Variants in IGDCC4 observed in about 807,000 individuals in gnomAD.
The protein encoded by IGDCC4 is likely ortholog of mouse neighbor of Punc E11.
A neutral mutation model predicts 116.6 loss-of-function variants in IGDCC4; 72 were observed. That is an observed-to-expected ratio of 0.62 (90% CI 0.51 to 0.75). The LOEUF is 0.75. Among genes scored for constraint, IGDCC4 ranks in the 30% least tolerant of loss-of-function variants. The pLI is 0.00. For missense variants in IGDCC4, 1,501 were observed against 1,662.4 expected (o/e 0.90, Z 1.69); for synonymous variants, 709 against 719.9 (o/e 0.98, Z 0.24).
chr15:65,399,083 T>C (rs2062958179), intron 5 of IGDCC4, among the ~76,000 whole-genome samples: 1 of 152,090 alleles, frequency 6.6e-6, no homozygotes, highest in Non-Finnish European at 1.5e-5. Context: ...AATCACAGAT[T>C]AGCAGGGGAC....
chr15:65,396,488 T>C, intron 6 of IGDCC4: 1 of 558,974 alleles, frequency 1.8e-6, no homozygotes, highest in Non-Finnish European at 3.3e-6. Context: ...TGCCCTCCCA[T>C]ATGTCCCACA....
intron 14 of IGDCC4, 34 bp downstream of exon 14, chr15:65,389,250 A>T: frequency 6.2e-7 from 1 of 1,603,838 alleles, no homozygotes; most frequent in African/African-American, 1.3e-5. Flanking sequence ...TGGGCAAAAG[A>T]TGGGTTGGTG....
At chr15:65,397,222 C>T (rs891167994) in intron 5 of IGDCC4, among the ~76,000 whole-genome samples, 5 of 152,168 alleles carry the variant, frequency 3.3e-5, no homozygotes, top group Non-Finnish European at 7.3e-5. Context: ...TGTCAGAACC[C>T]CTGGCACAGT....
At chr15:65,412,473 T>C (rs2063104219) in intron 1 of IGDCC4, among the ~76,000 whole-genome samples, 1 of 123,038 alleles carries the variant, frequency 8.1e-6, no homozygotes, top group East Asian at 2.9e-4. Flanking sequence ...GATCGCCCCA[T>C]TGCACTCCAG....
Position 65,386,609 on chromosome 15 carries a change from G to T in IGDCC4, c.2893C>A (p.Leu965Met), listed in dbSNP as rs1348318497. 1 of 1,612,480 alleles carries T rather than the reference G, an allele frequency of 6.2e-7. No homozygotes were observed. Among genetic ancestry groups the T allele is most frequent in the East Asian group, 2.2e-5 (1 of 44,854 alleles). ...CAGGCCAGGAGGCAGAGGAGGCCCA[G>T]GCAGACACCCACGATGATGCCCGTG... ...SVTGIIVGVC[L>M]GLLCLLACMC... The change falls in exon 17 of 20, where the codon CTG becomes ATG. Residue 965 changes from leucine (L) to methionine (M), a missense_variant. Physicochemically the swap from Leu to Met is conservative, Grantham distance 15 (BLOSUM62 2). Around this residue, in one of 3 missense-constraint regions of IGDCC4, gnomAD observed 235 missense variants for 328.0 expected, o/e 0.72. Transcript: ENST00000352385.
chr15:65,382,969 C>T lies in IGDCC4; in HGVS notation c.*1040G>A, dbSNP rs550725805. On this transcript the variant is annotated 3_prime_UTR_variant, in exon 20 of 20. Transcript: ENST00000352385. ...TGACTTGGATCCATCCATGGAGAAC[C>T]CTTGGATCCCAATCCCAAAGGCAAG... The T allele has an allele frequency of 4.6e-5, 7 of 152,480 alleles. No homozygotes were observed. Among genetic ancestry groups the T allele is most frequent in the Non-Finnish European group, 1.0e-4 (7 of 68,062 alleles). 9.4% of individuals were successfully genotyped at this position (152,480 alleles called of 1,614,324 possible). A position where few individuals can be genotyped will look rare whatever the true frequency, so the allele number is the denominator to read the frequency against.
intron 1 of IGDCC4, among the ~76,000 whole-genome samples, chr15:65,419,728 C>G (rs946382801): frequency 2.0e-5 from 3 of 152,118 alleles, no homozygotes; most frequent in Non-Finnish European, 4.4e-5. Flanking sequence ...TTACTGACCT[C>G]TAGGTTCCCT....
chr15:65,419,263 T>G, intron 1 of IGDCC4, among the ~76,000 whole-genome samples: 1 of 145,434 alleles, frequency 6.9e-6, no homozygotes, highest in African/African-American at 2.6e-5. Flanking sequence ...AGAAATGAGG[T>G]CTCAATATGT....
At chr15:65,405,027 G>C (rs990033185) in intron 3 of IGDCC4, among the ~76,000 whole-genome samples, 2 of 151,794 alleles carry the variant, frequency 1.3e-5, no homozygotes, top group Middle Eastern at 3.2e-3. Flanking sequence ...ACTCCAACCT[G>C]GGTGGCAGAG....
chr15:65,388,847 T>C lies in IGDCC4; in HGVS notation c.2668A>G (p.Thr890Ala), dbSNP rs1236692161. Reference sequence around the variant, plus strand: ...AAGGTCCACTGGTGCTCAGGCTGCGTGTGGTTGCTGCTGTACAGGATCAGA... The same window carrying C: ...AAGGTCCACTGGTGCTCAGGCTGCGCGTGGTTGCTGCTGTACAGGATCAGA... Reference protein sequence around the residue: ...EYLILYSSNHTQPEHQWTLLT... With the variant: ...EYLILYSSNHAQPEHQWTLLT... Residue 890 changes from threonine (T) to alanine (A), a missense_variant, in exon 15 of 20, where the codon ACG becomes GCG. By Grantham distance (58) the Thr-to-Ala change is moderately conservative. Coordinates refer to ENST00000352385, the MANE Select transcript of IGDCC4 (RefSeq NM_020962.3). The C allele has an allele frequency of 1.9e-6, 3 of 1,614,050 alleles. No individual in the cohort carries two copies. The highest frequency in any genetic ancestry group is 2.5e-6 in the Non-Finnish European group (3 of 1,180,022).
rs756443176 is a variant in IGDCC4, at chr15:65,387,553, G to A, written c.2845+896C>T. 3.2e-4 allele frequency among the ~76,000 whole-genome samples: 49 copies of A among 151,940 alleles called. 1 individual carries two copies. Among genetic ancestry groups the A allele is most frequent in the Non-Finnish European group, 2.9e-5 (2 of 67,964 alleles). On this transcript the variant is annotated intron_variant, in intron 16 of 19. Transcript: ENST00000352385. ...TTTTTAGTAGAGACAGAGTTTCACC[G>A]TGTTAGCCAGGATGGTCTCGATCTC...
intron 12 of IGDCC4, among the ~76,000 whole-genome samples, chr15:65,391,097 G>A (rs999602377): frequency 2.0e-5 from 3 of 152,118 alleles, no homozygotes; most frequent in Admixed American, 1.3e-4. Context: ...GCCAGGTATG[G>A]TGCACACCTG....
intron 16 of IGDCC4, 28 bp from the exon 17 acceptor site, chr15:65,386,684 A>G: frequency 6.3e-7 from 1 of 1,575,200 alleles, no homozygotes; most frequent in Non-Finnish European, 8.7e-7. Context: ...GGCACAGAGC[A>G]GGTCAGGACA....
At chr15:65,407,923 C>T (rs531948382) in intron 3 of IGDCC4, among the ~76,000 whole-genome samples, 118 of 151,746 alleles carry the variant, frequency 7.8e-4, no homozygotes, top group African/African-American at 2.8e-3. Context: ...CGTGAGCCAC[C>T]GCGCCCGGCC....
intron 1 of IGDCC4, 82 bp from the exon 2 acceptor site, chr15:65,411,452 G>A (rs2063093607): frequency 4.1e-6 from 5 of 1,227,716 alleles, no homozygotes; most frequent in African/African-American, 3.1e-5. Context: ...CCCATGCAGG[G>A]GCTGGGGCAA....
chr15:65,396,091 C>G lies in IGDCC4; in HGVS notation c.1070G>C (p.Arg357Pro), dbSNP rs2062923078. The G allele has an allele frequency of 1.4e-6, 2 of 1,385,580 alleles. No individual in the cohort carries two copies. Among genetic ancestry groups the G allele is most frequent in the Non-Finnish European group, 9.3e-7 (1 of 1,077,628 alleles). 85.8% of individuals were successfully genotyped at this position (1,385,580 alleles called of 1,614,324 possible). A position where few individuals can be genotyped will look rare whatever the true frequency, so the allele number is the denominator to read the frequency against. ...CGCTGGCCGCGGCTCCCCCGACGCG[C>G]GGCACACGAAGCGCGCTGTGCTCGC... is the stretch of plus-strand genomic sequence containing the variant. ...TRASTARFVC[R>P]ASGEPRPALR... Residue 357 changes from arginine (R) to proline (P), a missense_variant, in exon 7 of 20, where the codon CGC becomes CCC. Coordinates refer to ENST00000352385, the MANE Select transcript of IGDCC4 (RefSeq NM_020962.3).
In IGDCC4 at chr15:65,422,870, G is replaced by T; in HGVS notation, c.-8C>A. ...GGCGTCCCCCCGCGCCATGGGGCTG[G>T]GCTCGGGCCGCCGCCGCCGCCGCCG... On this transcript the variant is annotated 5_prime_UTR_variant, in exon 1 of 20. Transcript: ENST00000352385. The T allele has an allele frequency of 1.8e-6, 2 of 1,131,758 alleles. No individual in the cohort carries two copies. The highest frequency in any genetic ancestry group is 2.2e-6 in the Non-Finnish European group (2 of 923,008). 70.1% of individuals were successfully genotyped at this position (1,131,758 alleles called of 1,614,324 possible).
chr15:65,412,535 A>G (rs957907744), intron 1 of IGDCC4, among the ~76,000 whole-genome samples: 11 of 150,516 alleles, frequency 7.3e-5, no homozygotes, highest in Non-Finnish European at 5.9e-5. Flanking sequence ...AAAAAAAAAA[A>G]AAAGCACAGT....
intron 4 of IGDCC4, 27 bp downstream of exon 4, chr15:65,402,324 G>A: frequency 1.3e-6 from 2 of 1,554,220 alleles, no homozygotes; most frequent in Non-Finnish European, 1.7e-6. Context: ...AAACCCCCAG[G>A]TTTCCCCACC....
Sources: gnomAD v4.1 joint callset for allele counts (sites outside exome capture counted in the v4.1 genomes callset) on GRCh38, gnomAD v4.1.1 for gene constraint, gnomAD v4.1.1 regional missense constraint, MANE v1.5 for transcripts, NCBI Gene and HGNC (gene_info 2026-07-23, HGNC 2026-07-21) for gene names.